ACACA: variants seen among roughly 807,000 people sequenced by gnomAD.
The protein encoded by ACACA is acetyl-CoA carboxylase alpha, also known as acetyl-CoA carboxylase 1.
In ACACA, 103 loss-of-function variants were observed where a neutral mutation model predicts 296.1. That is an observed-to-expected ratio of 0.35 (90% confidence interval 0.30 to 0.41). The LOEUF is 0.41. Among genes scored for constraint, ACACA ranks in the 10% least tolerant of loss-of-function variants. The probability of loss-of-function intolerance (pLI) is 1.00; values close to 1 mark genes in which losing one functional copy is unlikely to be tolerated. For missense variants in ACACA, 1,554 were observed against 2,989.7 expected (o/e 0.52, Z 11.20); for synonymous variants, 953 against 1,038.6 (o/e 0.92, Z 1.58).
At chr17:37,264,991 T>C (rs967926395) in intron 10 of ACACA, among the ~76,000 whole-genome samples, 2 of 152,204 alleles carry the variant, frequency 1.3e-5, no homozygotes, top group African/African-American at 4.8e-5. Context: ...TGCTGGCTGG[T>C]AGGTCTAGGG....
At chr17:37,165,657 A>G (rs984123062) in intron 41 of ACACA, among the ~76,000 whole-genome samples, 1 of 151,372 alleles carries the variant, frequency 6.6e-6, no homozygotes, top group Non-Finnish European at 1.5e-5. Context: ...ATCTCCTACT[A>G]AGACCTCTGT....
intron 29 of ACACA, among the ~76,000 whole-genome samples, chr17:37,213,495 C>T (rs1181413177): frequency 6.6e-6 from 1 of 151,950 alleles, no homozygotes; most frequent in Non-Finnish European, 1.5e-5. Context: ...TCTTCATTTA[C>T]AACATTTGAT....
At chr17:37,374,139 A>G (rs8081319) in intron 1 of ACACA, among the ~76,000 whole-genome samples, 9,733 of 152,154 alleles carry the variant, frequency 0.064, 1,024 homozygotes, top group African/African-American at 0.22. Context: ...TGGGCAGATT[A>G]CTGGAGCTCA....
intron 54 of ACACA, among the ~76,000 whole-genome samples, chr17:37,089,337 C>T (rs1013861264): frequency 6.6e-6 from 1 of 152,224 alleles, no homozygotes; most frequent in Non-Finnish European, 1.5e-5. Context: ...CATACCCTGA[C>T]TCTGTCCTGT....
chr17:37,167,205 C>T (rs1329129784), intron 41 of ACACA, among the ~76,000 whole-genome samples: 4 of 149,698 alleles, frequency 2.7e-5, no homozygotes, highest in Non-Finnish European at 5.9e-5. Flanking sequence ...TGTGATCCGC[C>T]CGCCTTGGCC....
intron 51 of ACACA, 149 bp from the exon 52 acceptor site, chr17:37,111,792 A>G (rs1208555926): frequency 4.3e-6 from 3 of 692,636 alleles, no homozygotes; most frequent in African/African-American, 1.8e-5. Context: ...CTCCCCGGGG[A>G]GAACAGTAGG....
chr17:37,391,564 A>T, intron 1 of ACACA: 2 of 1,247,682 alleles, frequency 1.6e-6, no homozygotes, highest in Non-Finnish European at 2.4e-6. Flanking sequence ...GGGGTTTTGT[A>T]CTTAGCCAGC....
At position 37,202,490 on chromosome 17, in the gene ACACA, G is replaced by A. The variant is rs377114589; in HGVS notation, c.4057-2007C>T. ...ATTTCTATGAGAGAAAAAAAGACAT[G>A]CTGGGACTAGAAGATTATTTGGACA... On this transcript the variant is annotated intron_variant, in intron 33 of 55. Transcript: ENST00000616317. Among the ~76,000 whole-genome samples, 5 of 151,520 alleles carry A rather than the reference G, an allele frequency of 3.3e-5. No individual in the cohort carries two copies. The East Asian group carries it at 7.7e-4, about 23-fold the overall frequency.
At chr17:37,141,139 T>C in intron 45 of ACACA, 1 of 494,714 alleles carries the variant, frequency 2.0e-6, no homozygotes, top group South Asian at 1.7e-5. Flanking sequence ...ACGCGTCTGC[T>C]TCTGCACTGG....
intron 7 of ACACA, 110 bp downstream of exon 7, chr17:37,276,921 AAG>A (rs1258514178): frequency 3.2e-5 from 30 of 925,164 alleles, no homozygotes; most frequent in Non-Finnish European, 4.5e-5. Flanking sequence ...GGGAAAAAAA[AAG>A]AGAGAGAGAG....
intron 23 of ACACA, among the ~76,000 whole-genome samples, chr17:37,241,215 A>G (rs2080385255): frequency 1.3e-5 from 2 of 151,914 alleles, no homozygotes; most frequent in Non-Finnish European, 2.9e-5. Flanking sequence ...AAATAAATAA[A>G]TAAATAAATA....
At chr17:37,238,172 C>T (rs1291077855) in intron 24 of ACACA, among the ~76,000 whole-genome samples, 4 of 152,098 alleles carry the variant, frequency 2.6e-5, no homozygotes, top group Non-Finnish European at 5.9e-5. Flanking sequence ...GAGGTTATAA[C>T]GATATTCTCC....
chr17:37,164,694 A>T (rs1336277287), intron 41 of ACACA, among the ~76,000 whole-genome samples: 1 of 152,204 alleles, frequency 6.6e-6, no homozygotes, highest in Non-Finnish European at 1.5e-5. Flanking sequence ...ATCTGCCTTC[A>T]CACATGCCCC....
At chr17:37,356,073 A>G (rs925586941) in intron 1 of ACACA, among the ~76,000 whole-genome samples, 5 of 151,286 alleles carry the variant, frequency 3.3e-5, no homozygotes, top group African/African-American at 9.7e-5. Flanking sequence ...CAGGGGGGTG[A>G]GGCAGGATTG....
chr17:37,194,093 C>A (rs2077882354), intron 35 of ACACA, among the ~76,000 whole-genome samples: 1 of 151,856 alleles, frequency 6.6e-6, no homozygotes. Flanking sequence ...AAGATGAATT[C>A]AATTAGCAGA....
chr17:37,232,505 G>T (rs2079908019), intron 25 of ACACA, among the ~76,000 whole-genome samples: 2 of 152,090 alleles, frequency 1.3e-5, no homozygotes, highest in African/African-American at 4.8e-5. Flanking sequence ...GGAGGGAGAG[G>T]AAGAAGGAAG....
chr17:37,205,562 T>C (rs2078459537), intron 33 of ACACA, among the ~76,000 whole-genome samples: 1 of 152,142 alleles, frequency 6.6e-6, no homozygotes, highest in Non-Finnish European at 1.5e-5. Context: ...ATATTTGAGG[T>C]CTATTATCTG....
chr17:37,260,874 A>G (rs964317551), intron 11 of ACACA, among the ~76,000 whole-genome samples: 1 of 152,126 alleles, frequency 6.6e-6, no homozygotes, highest in African/African-American at 2.4e-5. Flanking sequence ...ATAAACTTCT[A>G]TTTTTGGGGG....
At chr17:37,161,368 T>C (rs2076453210) in intron 42 of ACACA, among the ~76,000 whole-genome samples, 1 of 152,074 alleles carries the variant, frequency 6.6e-6, no homozygotes, top group Non-Finnish European at 1.5e-5. Flanking sequence ...GGAAGCAATA[T>C]CTTTAGAGGA....
Sources: allele counts gnomAD v4.1 joint callset (sites outside exome capture counted in the v4.1 genomes callset), GRCh38; gene constraint gnomAD v4.1.1; transcripts MANE v1.5; gene names NCBI Gene and HGNC (gene_info 2026-07-23, HGNC 2026-07-21).